The following CCNY variants were observed in gnomAD, a reference collection of about 807,000 sequenced individuals.
CCNY encodes the protein cyclin Y.
In CCNY, 19 loss-of-function variants were observed where a neutral mutation model predicts 42.8. The observed-to-expected ratio is 0.44, with a 90% CI of 0.31 to 0.65. The LOEUF is 0.65. Among genes scored for constraint, CCNY ranks in the 30% least tolerant of loss-of-function variants. CCNY has a pLI of 0.07. For missense variants in CCNY, 370 were observed against 437.3 expected (o/e 0.85, Z 1.37); for synonymous variants, 165 against 162.7 (o/e 1.01, Z -0.11).
At chr10:35,299,444 C>T (rs1460011844) in intron 3 of CCNY, among the ~76,000 whole-genome samples, 1 of 152,162 alleles carries the variant, frequency 6.6e-6, no homozygotes, top group African/African-American at 2.4e-5. Flanking sequence ...TTTTGAAGTT[C>T]TACAACTGGG....
chr10:35,398,607 T>G (rs1350228947), intron 1 of CCNY, among the ~76,000 whole-genome samples: 8 of 152,118 alleles, frequency 5.3e-5, no homozygotes, highest in Admixed American at 6.5e-5. Flanking sequence ...TCTCGAGATG[T>G]CATTGTGTAA....
At chr10:35,457,236 T>C (rs1266752998) in intron 1 of CCNY, among the ~76,000 whole-genome samples, 2 of 152,232 alleles carry the variant, frequency 1.3e-5, no homozygotes, top group Non-Finnish European at 2.9e-5. Context: ...GTGATTTCAG[T>C]GTTGATTCTT....
chr10:35,477,898 C>T (rs1448531929), intron 1 of CCNY, among the ~76,000 whole-genome samples: 1 of 148,382 alleles, frequency 6.7e-6, no homozygotes, highest in East Asian at 2.0e-4. Flanking sequence ...CCCATTGTCT[C>T]AGCCCAAAAT....
intron 9 of CCNY, chr10:35,566,404 G>T: frequency 1.9e-6 from 1 of 516,826 alleles, no homozygotes; most frequent in South Asian, 2.5e-5. Flanking sequence ...GAGTACAGTG[G>T]TGCGATCTTG....
At chr10:35,301,133 A>G (rs921599935) in intron 3 of CCNY, among the ~76,000 whole-genome samples, 1 of 152,160 alleles carries the variant, frequency 6.6e-6, no homozygotes, top group African/African-American at 2.4e-5. Context: ...ATAGGAGAAA[A>G]GATGCTTTAG....
At chr10:35,253,414 ATTTTTTTTTTTTTTT>A (rs61405875) in intron 3 of CCNY, among the ~76,000 whole-genome samples, 1 of 89,036 alleles carries the variant, frequency 1.1e-5, no homozygotes, top group Non-Finnish European at 2.2e-5. Flanking sequence ...CATGCTCACT[ATTTTTTTTTTTTTTT>A]TTTTTTTTTT....
rs376343144 is a variant in CCNY at position 35,344,640 on chromosome 10, A to T, written c.154+7433A>T. Among the ~76,000 whole-genome samples the T allele has an allele frequency of 9.2e-5, 14 of 152,158 alleles. No homozygotes were observed. In the South Asian group the frequency reaches 2.9e-3, roughly 32 times the overall value. On this transcript the variant is annotated intron_variant, in intron 1 of 9. Coordinates refer to ENST00000374704, the MANE Select transcript of CCNY (RefSeq NM_145012.6). ...TGCACAATGTGCAGGTTTATTACATATGTATACATGTGCCATGTTGGTGTG... is the reference window on the plus strand; with the variant it reads ...TGCACAATGTGCAGGTTTATTACATTTGTATACATGTGCCATGTTGGTGTG...
chr10:35,460,446 A>G (rs1274489043), intron 1 of CCNY, among the ~76,000 whole-genome samples: 1 of 125,646 alleles, frequency 8.0e-6, no homozygotes, highest in Non-Finnish European at 1.9e-5. Context: ...GAAGAATTGT[A>G]TATGTACACA....
At chr10:35,263,721 G>A (rs2095722104) in intron 3 of CCNY, among the ~76,000 whole-genome samples, 2 of 151,956 alleles carry the variant, frequency 1.3e-5, no homozygotes, top group Admixed American at 6.6e-5. Context: ...ACATGTGCAG[G>A]ATGTGCAGAT....
At chr10:35,328,800 TACCACAGGGAA>T (rs886996636) in intron 3 of CCNY, among the ~76,000 whole-genome samples, 4 of 152,220 alleles carry the variant, frequency 2.6e-5, no homozygotes, top group African/African-American at 9.6e-5. Flanking sequence ...TATTTTGGTC[TACCACAGGGAA>T]ACTGAGATTG....
At chr10:35,533,803 T>C (rs992974575) in intron 7 of CCNY, among the ~76,000 whole-genome samples, 1 of 152,216 alleles carries the variant, frequency 6.6e-6, no homozygotes, top group Non-Finnish European at 1.5e-5. Flanking sequence ...TTTGTCCATG[T>C]GGTTTACTAC....
chr10:35,558,358 G>C (rs1398995095), intron 8 of CCNY, among the ~76,000 whole-genome samples: 1 of 152,226 alleles, frequency 6.6e-6, no homozygotes, highest in Non-Finnish European at 1.5e-5. Context: ...AGTTTTAGGA[G>C]AGTGAAATGA....
At chr10:35,291,714 T>G (rs1376635151) in intron 3 of CCNY, among the ~76,000 whole-genome samples, 1 of 151,972 alleles carries the variant, frequency 6.6e-6, no homozygotes, top group Non-Finnish European at 1.5e-5. Context: ...TTTTTGTATT[T>G]TTAGTAGACA....
intron 3 of CCNY, among the ~76,000 whole-genome samples, chr10:35,277,662 T>C (rs1030223987): frequency 2.6e-5 from 4 of 152,166 alleles, no homozygotes; most frequent in African/African-American, 4.8e-5. Flanking sequence ...CTTCCATGTC[T>C]CTCTCAGTCT....
intron 2 of CCNY, among the ~76,000 whole-genome samples, chr10:35,485,720 G>T (rs921995966): frequency 1.2e-5 from 1 of 85,822 alleles, no homozygotes. Context: ...GCGAGACTCC[G>T]TCTCAAAAAA....
intron 3 of CCNY, among the ~76,000 whole-genome samples, chr10:35,308,049 T>C (rs2135082072): frequency 6.6e-6 from 1 of 151,934 alleles, no homozygotes; most frequent in African/African-American, 2.4e-5. Flanking sequence ...ACTCCTGACC[T>C]CAAGTGATCC....
At chr10:35,277,935 C>G (rs943595163) in intron 3 of CCNY, among the ~76,000 whole-genome samples, 1 of 152,136 alleles carries the variant, frequency 6.6e-6, no homozygotes, top group Non-Finnish European at 1.5e-5. Flanking sequence ...ATGAGTTCAG[C>G]TTATCCTGAG....
chr10:35,403,776 AGT>A (rs1304285288), intron 1 of CCNY, among the ~76,000 whole-genome samples: 1 of 152,180 alleles, frequency 6.6e-6, no homozygotes, highest in African/African-American at 2.4e-5. Flanking sequence ...GCTGAGAGAT[AGT>A]GGAGGGAGGC....
At chr10:35,483,568 T>A (rs1839720662) in intron 2 of CCNY, 90 bp downstream of exon 2, 1 of 817,962 alleles carries the variant, frequency 1.2e-6, no homozygotes, top group African/African-American at 1.8e-5. Flanking sequence ...TAATTTTCAA[T>A]ATGAAATAGA....
Sources: gnomAD v4.1 joint callset for allele counts (sites outside exome capture counted in the v4.1 genomes callset) on GRCh38, gnomAD v4.1.1 for gene constraint, MANE v1.5 for transcripts, NCBI Gene and HGNC (gene_info 2026-07-23, HGNC 2026-07-21) for gene names.